DDX46: variants seen among roughly 807,000 people sequenced by gnomAD.
DDX46 encodes the protein DEAD-box helicase 46.
A neutral mutation model predicts 134.9 loss-of-function variants in DDX46; 30 were observed. That is an observed-to-expected ratio of 0.22 (90% CI 0.17 to 0.30). The LOEUF (loss-of-function observed/expected upper bound fraction) is 0.30, where lower values mean the gene tolerates loss of function less well. Ranked by LOEUF, DDX46 falls within the 10% of genes least tolerant of loss-of-function variation. DDX46 has a pLI of 1.00. For missense variants in DDX46, 622 were observed against 1,248.7 expected (o/e 0.50, Z 7.56); for synonymous variants, 415 against 404.1 (o/e 1.03, Z -0.32).
chr5:134,798,859 G>C (rs1754744367), intron 15 of DDX46, among the ~76,000 whole-genome samples: 1 of 152,178 alleles, frequency 6.6e-6, no homozygotes, highest in South Asian at 2.1e-4. Flanking sequence ...TATACAGCCA[G>C]CCCTTCGTGT....
intron 3 of DDX46, among the ~76,000 whole-genome samples, chr5:134,769,269 A>G (rs1358206853): frequency 7.0e-6 from 1 of 142,458 alleles, no homozygotes; most frequent in Admixed American, 7.0e-5. Context: ...ATTTCCAAAT[A>G]TTTAGTAATG....
intron 3 of DDX46, among the ~76,000 whole-genome samples, chr5:134,768,551 C>T (rs189478081): frequency 5.3e-5 from 8 of 151,352 alleles, no homozygotes; most frequent in Non-Finnish European, 1.0e-4. Flanking sequence ...AAGTTTGTGC[C>T]AGAGAGTATC....
At position 134,810,778 on chromosome 5, in the gene DDX46, G is replaced by A. The variant is rs190976084; in HGVS notation, c.2149-443G>A. On this transcript the variant is annotated intron_variant, in intron 16 of 22. Transcript: ENST00000452510. ...CCCAGCACTTTGGGAGGCCAAGGCG[G>A]GCGGATCACCTGAGGTCAGGAATTT... 4.6e-3 allele frequency among the ~76,000 whole-genome samples: 706 copies of A among 151,872 alleles called. 7 individuals are homozygous for A. The highest frequency in any genetic ancestry group is 0.01 in the Middle Eastern group (3 of 294).
intron 1 of DDX46, among the ~76,000 whole-genome samples, chr5:134,763,201 C>A (rs1449937958): frequency 1.3e-5 from 2 of 152,140 alleles, no homozygotes; most frequent in Non-Finnish European, 2.9e-5. Context: ...TCACTGCACT[C>A]TATCCTGGAT....
chr5:134,781,597 C>G (rs903745093), intron 7 of DDX46, among the ~76,000 whole-genome samples: 3 of 152,044 alleles, frequency 2.0e-5, no homozygotes, highest in Non-Finnish European at 4.4e-5. Flanking sequence ...AGAGCTGTCT[C>G]TGATGATTAC....
rs1168176777 is a variant in DDX46, at chr5:134,801,005, C to T, written c.1954+4855C>T. ...TATTCTTTTAAGAACGTTTGTAGGC[C>T]GGGTGCAGTGACTCATGCCTGTAAT... On this transcript the variant is annotated intron_variant, in intron 15 of 22. Transcript: ENST00000452510. 2.0e-5 allele frequency among the ~76,000 whole-genome samples: 3 copies of T among 151,372 alleles called. No individual in the cohort carries two copies. The East Asian group carries it at 6.0e-4, about 30-fold the overall frequency.
In DDX46 at chr5:134,758,908, C is replaced by T. The variant is rs780075578; in HGVS notation, c.-31C>T. On this transcript the variant is annotated 5_prime_UTR_variant, in exon 1 of 23. Coordinates refer to ENST00000452510, the MANE Select transcript of DDX46 (RefSeq NM_001300860.2). ...GTCCGGTTCGCCTGTGCGTGGTACT[C>T]AAGGGCACCAGTATTCCCGCGGTCG... The T allele has an allele frequency of 3.7e-6, 6 of 1,613,638 alleles. No homozygotes were observed. The highest frequency in any genetic ancestry group is 5.1e-6 in the Non-Finnish European group (6 of 1,179,884).
rs1166724106 is a variant in DDX46 at position 134,777,438 on chromosome 5, T to C, written c.614-136T>C. ...AACCTCAGAATATGAGCATTTGAAC[T>C]GATGGATGGCTGGAGTAATTGGAAA... On this transcript the variant is annotated intron_variant, in intron 5 of 22. Coordinates refer to ENST00000452510, the MANE Select transcript of DDX46 (RefSeq NM_001300860.2). 67 of 908,842 alleles carry C rather than the reference T, an allele frequency of 7.4e-5. No homozygotes were observed. The South Asian group carries it at 1.1e-3, about 15-fold the overall frequency. The allele number at this position is 908,842 out of a possible 1,614,324, so 56.3% of individuals were successfully genotyped here. A position where few individuals can be genotyped will look rare whatever the true frequency, so the allele number is the denominator to read the frequency against.
At chr5:134,803,779 G>A (rs1336939155) in intron 15 of DDX46, among the ~76,000 whole-genome samples, 1 of 151,978 alleles carries the variant, frequency 6.6e-6, no homozygotes, top group Non-Finnish European at 1.5e-5. Flanking sequence ...GGGAATGTGT[G>A]TTTTTATATA....
At chr5:134,801,265 A>G (rs1754820216) in intron 15 of DDX46, among the ~76,000 whole-genome samples, 1 of 151,982 alleles carries the variant, frequency 6.6e-6, no homozygotes, top group Non-Finnish European at 1.5e-5. Context: ...ACAGAGTGAG[A>G]CCCTGTCTCA....
intron 18 of DDX46, 111 bp downstream of exon 18, chr5:134,811,956 G>A (rs1755157316): frequency 2.2e-6 from 3 of 1,377,154 alleles, no homozygotes; most frequent in Non-Finnish European, 2.9e-6. Context: ...CTTTACAAGA[G>A]GTTGGTTCCA....
At chr5:134,828,567 G>A (rs1044565426) in intron 22 of DDX46, 92 bp from the exon 23 acceptor site, 2 of 756,508 alleles carry the variant, frequency 2.6e-6, no homozygotes, top group African/African-American at 1.9e-5. Flanking sequence ...ATTTCCTTTT[G>A]GGTTTGTTTG....
chr5:134,780,940 G>A, intron 6 of DDX46, 193 bp from the exon 7 acceptor site: 2 of 393,444 alleles, frequency 5.1e-6, no homozygotes, highest in Non-Finnish European at 4.5e-6. Context: ...CTGATGGGAC[G>A]AATCCTTGAG....
intron 13 of DDX46, among the ~76,000 whole-genome samples, chr5:134,792,505 G>T (rs1378174367): frequency 6.6e-6 from 1 of 152,140 alleles, no homozygotes; most frequent in Non-Finnish European, 1.5e-5. Flanking sequence ...AAAGAGAATT[G>T]AAGTGTCAGA....
rs549643314 is a variant in DDX46, at chr5:134,812,712, A to C, written c.2436+867A>C. Among the ~76,000 whole-genome samples, 5 of 128,308 alleles carry C rather than the reference A, an allele frequency of 3.9e-5. No individual in the cohort carries two copies. The South Asian group carries it at 1.1e-3, about 28-fold the overall frequency. The allele number at this position is 128,308 out of a possible 152,430, so 84.2% of individuals were successfully genotyped here. On this transcript the variant is annotated intron_variant, in intron 18 of 22. Transcript: ENST00000452510. ...ACTGCAGTGTCGTAATCTCAGCTCA[A>C]CTGCAACCTCTGCCTCCTGGGTTCA...
chr5:134,791,503 G>T (rs1384932518), intron 13 of DDX46, among the ~76,000 whole-genome samples: 1 of 151,900 alleles, frequency 6.6e-6, no homozygotes, highest in Non-Finnish European at 1.5e-5. Context: ...GGAGCTTGCA[G>T]TGAGCTGAGA....
intron 4 of DDX46, among the ~76,000 whole-genome samples, 153 bp from the exon 5 acceptor site, chr5:134,773,543 A>T (rs1288371869): frequency 1.3e-5 from 2 of 152,138 alleles, no homozygotes; most frequent in Non-Finnish European, 2.9e-5. Context: ...AAGGTATGTG[A>T]TCTAAGTCTA....
At chr5:134,813,755 A>G (rs1370372697) in intron 18 of DDX46, among the ~76,000 whole-genome samples, 1 of 151,604 alleles carries the variant, frequency 6.6e-6, no homozygotes, top group African/African-American at 2.4e-5. Context: ...AGCTGGTACT[A>G]TGGGTGCACC....
chr5:134,766,764 T>C (rs1753580867), intron 2 of DDX46, among the ~76,000 whole-genome samples, 153 bp from the exon 3 acceptor site: 1 of 152,158 alleles, frequency 6.6e-6, no homozygotes, highest in African/African-American at 2.4e-5. Flanking sequence ...ATTTTTTTCG[T>C]TGAGCACTTA....
Sources: allele counts gnomAD v4.1 joint callset (sites outside exome capture counted in the v4.1 genomes callset), GRCh38; gene constraint gnomAD v4.1.1; transcripts MANE v1.5; gene names NCBI Gene and HGNC (gene_info 2026-07-23, HGNC 2026-07-21).